Variants in RCAN2 observed in about 807,000 individuals in gnomAD.
RCAN2 encodes regulator of calcineurin 2.
RCAN2 carries 9 observed loss-of-function variants against 23.6 expected under a neutral mutation model. The ratio of observed to expected loss-of-function variants is 0.38; its 90% confidence interval spans 0.23 to 0.67. The LOEUF (loss-of-function observed/expected upper bound fraction) is 0.67, where lower values mean the gene tolerates loss of function less well. Ranked by LOEUF, RCAN2 falls within the 30% of genes least tolerant of loss-of-function variation. The pLI is 0.51. For missense variants in RCAN2, 273 were observed against 302.3 expected, an observed-to-expected ratio of 0.90 and a Z score of 0.72; for synonymous variants, 109 against 115.7, an observed-to-expected ratio of 0.94 and a Z score of 0.37.
intron 1 of RCAN2, among the ~76,000 whole-genome samples, chr6:46,478,374 A>G (rs573545296): frequency 7.2e-5 from 11 of 152,334 alleles, no homozygotes; most frequent in Admixed American, 5.2e-4. Flanking sequence ...ACATTTCTAC[A>G]TATTTTATTA....
intron 2 of RCAN2, among the ~76,000 whole-genome samples, chr6:46,391,988 G>A (rs1453673331): frequency 6.6e-6 from 1 of 152,176 alleles, no homozygotes; most frequent in East Asian, 1.9e-4. Context: ...GAGCTGTAGA[G>A]GGAAGAAATG....
chr6:46,226,216 G>T (rs1765659134), intron 4 of RCAN2, among the ~76,000 whole-genome samples: 1 of 152,312 alleles, frequency 6.6e-6, no homozygotes, highest in Non-Finnish European at 1.5e-5. Context: ...AAGTCAGGTA[G>T]CGTGATGCCT....
chr6:46,443,310 T>G (rs1354678336), intron 2 of RCAN2, among the ~76,000 whole-genome samples: 2 of 152,178 alleles, frequency 1.3e-5, no homozygotes, highest in Non-Finnish European at 2.9e-5. Context: ...ATATATTCAG[T>G]GATACTTAAA....
chr6:46,259,615 C>T (rs1767043665), intron 2 of RCAN2, among the ~76,000 whole-genome samples: 1 of 152,170 alleles, frequency 6.6e-6, no homozygotes, highest in Admixed American at 6.5e-5. Context: ...TCTGTAGACA[C>T]CCACTGGATG....
intron 1 of RCAN2, among the ~76,000 whole-genome samples, chr6:46,481,059 T>A (rs16874661): frequency 0.13 from 20,242 of 152,178 alleles, 1,964 homozygotes; most frequent in African/African-American, 0.24. Flanking sequence ...TACCACTGAC[T>A]GAGTGCCCGC....
chr6:46,251,275 A>AT (rs1766704363), intron 2 of RCAN2, among the ~76,000 whole-genome samples: 1 of 152,160 alleles, frequency 6.6e-6, no homozygotes, highest in South Asian at 2.1e-4. Context: ...TGTCCCAACA[A>AT]TACTGTGTTT....
chr6:46,275,668 A>T (rs1767671765), intron 2 of RCAN2, among the ~76,000 whole-genome samples: 1 of 152,244 alleles, frequency 6.6e-6, no homozygotes, highest in Non-Finnish European at 1.5e-5. Flanking sequence ...TGCTTGTAGC[A>T]CGGCCACAGA....
chr6:46,487,117 C>T (rs1184487904), intron 1 of RCAN2, among the ~76,000 whole-genome samples: 2 of 152,096 alleles, frequency 1.3e-5, no homozygotes, highest in Non-Finnish European at 2.9e-5. Flanking sequence ...TCATTCTGTC[C>T]CCTCTCTATT....
At chr6:46,398,448 T>C (rs1766153723) in intron 2 of RCAN2, among the ~76,000 whole-genome samples, 2 of 152,184 alleles carry the variant, frequency 1.3e-5, no homozygotes, top group South Asian at 2.1e-4. Flanking sequence ...ATGAGAATTT[T>C]TGATGTAGTG....
chr6:46,343,237 A>G (rs184358525), intron 2 of RCAN2, among the ~76,000 whole-genome samples: 74 of 152,296 alleles, frequency 4.9e-4, no homozygotes, highest in Admixed American at 2.0e-3. Flanking sequence ...AGGGAACAAC[A>G]TATTTTTAAG....
chr6:46,349,299 A>G (rs777135171), intron 2 of RCAN2, among the ~76,000 whole-genome samples: 29 of 152,094 alleles, frequency 1.9e-4, no homozygotes, highest in Admixed American at 3.9e-4. Flanking sequence ...ACAAGTAAAG[A>G]AACATCTGTC....
intron 2 of RCAN2, among the ~76,000 whole-genome samples, chr6:46,354,278 G>A (rs1216497543): frequency 6.8e-6 from 1 of 146,142 alleles, no homozygotes; most frequent in Non-Finnish European, 1.5e-5. Flanking sequence ...CTCATGGTTA[G>A]AAGAAACCCT....
At position 46,288,155 on chromosome 6, in the gene RCAN2, G is replaced by A. The variant is rs185476933; in HGVS notation, c.226-39259C>T. On this transcript the variant is annotated intron_variant, in intron 2 of 4. Coordinates refer to ENST00000371374, the MANE Select transcript of RCAN2 (RefSeq NM_001251974.2). ...TCTTTTTGCTGTCAGAAGTTCTCAC[G>A]TTGCAGCAACAGGCAGCTGGGCCAG... is the stretch of plus-strand genomic sequence containing the variant. 4.7e-4 allele frequency among the ~76,000 whole-genome samples: 71 copies of A among 152,280 alleles called. No homozygotes were observed. In the South Asian group the frequency reaches 0.013, roughly 28 times the overall value.
chr6:46,291,927 A>T (rs971472505), intron 2 of RCAN2, among the ~76,000 whole-genome samples: 10 of 152,336 alleles, frequency 6.6e-5, no homozygotes, highest in African/African-American at 2.4e-4. Flanking sequence ...ACTGGCGAAG[A>T]TACAGAGACA....
chr6:46,276,590 G>A (rs1213415965), intron 2 of RCAN2, among the ~76,000 whole-genome samples: 1 of 152,132 alleles, frequency 6.6e-6, no homozygotes, highest in Non-Finnish European at 1.5e-5. Flanking sequence ...AGATCTGAAG[G>A]GTTATACACA....
chr6:46,435,743 G>A (rs182353128), intron 2 of RCAN2, among the ~76,000 whole-genome samples: 3 of 152,342 alleles, frequency 2.0e-5, no homozygotes, highest in East Asian at 1.9e-4. Flanking sequence ...AGAATGGAAA[G>A]CAAAACAGGA....
At chr6:46,472,872 G>A (rs1239078816) in intron 1 of RCAN2, among the ~76,000 whole-genome samples, 2 of 152,138 alleles carry the variant, frequency 1.3e-5, no homozygotes, top group African/African-American at 4.8e-5. Flanking sequence ...AGGAACACTG[G>A]AACTTTTTCT....
intron 2 of RCAN2, among the ~76,000 whole-genome samples, chr6:46,360,320 CAGG>C (rs1346170182): frequency 1.3e-5 from 2 of 151,866 alleles, no homozygotes; most frequent in African/African-American, 4.8e-5. Flanking sequence ...ATCATGAGGT[CAGG>C]AGGTGGAGAC....
intron 2 of RCAN2, among the ~76,000 whole-genome samples, chr6:46,341,863 G>A: frequency 6.6e-6 from 1 of 152,132 alleles, no homozygotes; most frequent in Non-Finnish European, 1.5e-5. Context: ...TTCCTTTTCA[G>A]GTAAGGGTTG....
Sources: allele counts gnomAD v4.1 joint callset (sites outside exome capture counted in the v4.1 genomes callset), GRCh38; gene constraint gnomAD v4.1.1; transcripts MANE v1.5; gene names NCBI Gene and HGNC (gene_info 2026-07-23, HGNC 2026-07-21).